The following PDK1 variants were observed in gnomAD, a reference collection of about 807,000 sequenced individuals.
PDK1 encodes the protein pyruvate dehydrogenase kinase 1, also known as [Pyruvate dehydrogenase (acetyl-transferring)] kinase isozyme 1, mitochondrial.
A neutral mutation model predicts 54.2 loss-of-function variants in PDK1; 39 were observed. The observed-to-expected ratio is 0.72, with a 90% confidence interval of 0.56 to 0.94. PDK1 has a LOEUF of 0.94. Among genes scored for constraint, PDK1 ranks in the 40% least tolerant of loss-of-function variants. The probability of loss-of-function intolerance (pLI) is 0.00; values close to 1 mark genes in which losing one functional copy is unlikely to be tolerated. For synonymous variants in PDK1, 221 were observed against 207.1 expected (o/e 1.07, Z -0.58); for missense variants, 552 against 566.0 (o/e 0.98, Z 0.25).
At chr2:172,629,927 G>A in the PDK1 span, among the ~76,000 whole-genome samples, 1 of 152,212 alleles carries the variant, frequency 6.6e-6, no homozygotes, top group Non-Finnish European at 1.5e-5. Context: ...GTCCTGTGAG[G>A]AGGTCAAGGG....
chr2:172,637,811 T>G, the PDK1 span, among the ~76,000 whole-genome samples: 2 of 152,274 alleles, frequency 1.3e-5, no homozygotes, highest in East Asian at 3.9e-4. Context: ...TTCTCGTGCC[T>G]CAGCCTCCCG....
chr2:172,581,604 A>C (rs1574505266), intron 8 of PDK1, among the ~76,000 whole-genome samples: 2 of 151,988 alleles, frequency 1.3e-5, no homozygotes, highest in African/African-American at 4.8e-5. Context: ...TGCTCCTCAC[A>C]TCCAAGGTCA....
At chr2:172,612,516 A>G (rs1354704076), downstream of PDK1, among the ~76,000 whole-genome samples, 1 of 152,170 alleles carries the variant, frequency 6.6e-6, no homozygotes, top group Non-Finnish European at 1.5e-5. Flanking sequence ...AAATTTCTCA[A>G]ACACATGGTC....
At chr2:172,660,132 A>G in the PDK1 span, among the ~76,000 whole-genome samples, 1 of 151,562 alleles carries the variant, frequency 6.6e-6, no homozygotes, top group Non-Finnish European at 1.5e-5. Flanking sequence ...CCAGGGTTCC[A>G]TGGATCAGAG....
the PDK1 span, among the ~76,000 whole-genome samples, chr2:172,712,519 T>A: frequency 6.6e-6 from 1 of 152,222 alleles, no homozygotes; most frequent in Non-Finnish European, 1.5e-5. Context: ...CAGCCAGGCA[T>A]GCTAGCTGCG....
rs1401590096 is a variant in PDK1, at chr2:172,568,730, C to A, written c.770-11C>A. On this transcript the variant is annotated splice_polypyrimidine_tract_variant and intron_variant, in intron 6 of 10. Coordinates refer to ENST00000282077, the MANE Select transcript of PDK1 (RefSeq NM_002610.5). ...CTCTGTACTTTCATATTTTTCTCTTCTGCTCTGTAGCAAAATCACCAGGAC... is the reference window on the plus strand; with the variant it reads ...CTCTGTACTTTCATATTTTTCTCTTATGCTCTGTAGCAAAATCACCAGGAC... 6.4e-7 allele frequency: 1 copy of A among 1,558,216 alleles called. No individual in the cohort carries two copies. The highest frequency in any genetic ancestry group is 8.9e-7 in the Non-Finnish European group (1 of 1,129,080).
At chr2:172,627,305 C>T in the PDK1 span, among the ~76,000 whole-genome samples, 3 of 152,142 alleles carry the variant, frequency 2.0e-5, no homozygotes, top group Non-Finnish European at 4.4e-5. Context: ...GCATTATGTT[C>T]GTCAGGGAAA....
the PDK1 span, among the ~76,000 whole-genome samples, chr2:172,709,287 C>T: frequency 1.3e-5 from 2 of 152,184 alleles, no homozygotes; most frequent in Admixed American, 6.5e-5. Flanking sequence ...CTCAGTTCCT[C>T]AGCCCCTCAC....
chr2:172,687,523 G>A, the PDK1 span, among the ~76,000 whole-genome samples: 1 of 152,062 alleles, frequency 6.6e-6, no homozygotes, highest in Admixed American at 6.6e-5. Context: ...TGGTCTCAGG[G>A]TCACACTTCA....
At position 172,601,905 on chromosome 2, in the gene PDK1, C is replaced by T. The variant is rs890985282; in HGVS notation, c.*5936C>T. ...AAAATAATCATAAGAATACCATTAA[C>T]TTTATGATAAAAATTTTGTAAGTGG... On this transcript the variant is annotated 3_prime_UTR_variant, in exon 11 of 11. Coordinates refer to ENST00000282077, the MANE Select transcript of PDK1 (RefSeq NM_002610.5). 1 of 151,968 alleles carries T rather than the reference C, an allele frequency of 6.6e-6. No homozygotes were observed. The highest frequency in any genetic ancestry group is 1.5e-5 in the Non-Finnish European group (1 of 68,008). 9.4% of individuals were successfully genotyped at this position (151,968 alleles called of 1,614,324 possible).
the PDK1 span, among the ~76,000 whole-genome samples, chr2:172,691,120 C>G: frequency 4.7e-5 from 7 of 150,480 alleles, no homozygotes; most frequent in African/African-American, 1.4e-4. Flanking sequence ...TTAAAAGCGA[C>G]TAGCTTTTAG....
the PDK1 span, among the ~76,000 whole-genome samples, chr2:172,647,095 A>C: frequency 0.13 from 19,927 of 152,054 alleles, 2,260 homozygotes; most frequent in East Asian, 0.53. Flanking sequence ...TTGAGTAGCA[A>C]AATTTAGAGG....
chr2:172,563,062 T>C (rs1036439025), intron 3 of PDK1, among the ~76,000 whole-genome samples: 6 of 152,228 alleles, frequency 3.9e-5, no homozygotes, highest in African/African-American at 1.4e-4. Flanking sequence ...TTTACATGAA[T>C]GATGTTTTTT....
intron 8 of PDK1, among the ~76,000 whole-genome samples, chr2:172,577,635 T>G (rs1007754301): frequency 6.6e-6 from 1 of 152,158 alleles, no homozygotes; most frequent in East Asian, 1.9e-4. Context: ...GGATTACAAT[T>G]AACACCTTAA....
chr2:172,723,329 C>T, the PDK1 span: 1 of 152,172 alleles, frequency 6.6e-6, no homozygotes, highest in Admixed American at 6.5e-5. Context: ...CCAAATCACA[C>T]TGCATCCAAA....
At chr2:172,662,427 C>T in the PDK1 span, among the ~76,000 whole-genome samples, 6 of 151,206 alleles carry the variant, frequency 4.0e-5, no homozygotes, top group African/African-American at 1.5e-4. Context: ...TAACATGACT[C>T]ATATGCATAT....
chr2:172,579,421 A>G (rs1689759093), intron 8 of PDK1, among the ~76,000 whole-genome samples: 2 of 152,100 alleles, frequency 1.3e-5, no homozygotes, highest in South Asian at 4.2e-4. Context: ...CAGTTGTTTT[A>G]CTTGAATAAA....
the PDK1 span, among the ~76,000 whole-genome samples, chr2:172,681,108 G>A: frequency 6.6e-6 from 1 of 152,190 alleles, no homozygotes; most frequent in Admixed American, 6.5e-5. Context: ...TAATAACTCT[G>A]AGAGTTTTTC....
At chr2:172,714,227 A>G in the PDK1 span, among the ~76,000 whole-genome samples, 4 of 152,234 alleles carry the variant, frequency 2.6e-5, no homozygotes, top group African/African-American at 7.2e-5. Flanking sequence ...ATAAATATTG[A>G]CACTTTTTAA....
Sources: gnomAD v4.1 joint callset for allele counts (sites outside exome capture counted in the v4.1 genomes callset) on GRCh38, gnomAD v4.1.1 for gene constraint, MANE v1.5 for transcripts, NCBI Gene and HGNC (gene_info 2026-07-23, HGNC 2026-07-21) for gene names.